Variants in CNTLN observed in about 807,000 individuals in gnomAD.
CNTLN encodes centlein, centrosomal protein.
In CNTLN, 212 loss-of-function variants were observed where a neutral mutation model predicts 180.0. The ratio of observed to expected loss-of-function variants is 1.18; its 90% CI spans 1.05 to 1.32. The LOEUF (loss-of-function observed/expected upper bound fraction) is 1.32, where lower values mean the gene tolerates loss of function less well. Ranked by LOEUF, CNTLN falls within the 40% of genes most tolerant of loss-of-function variation. CNTLN has a pLI of 0.00. For synonymous variants in CNTLN, 722 were observed against 563.1 expected, an observed-to-expected ratio of 1.28 and a Z score of -3.99; for missense variants, 2,095 against 1,610.9, an observed-to-expected ratio of 1.30 and a Z score of -5.14.
chr9:17,163,514 C>T (rs989044938), intron 2 of CNTLN, among the ~76,000 whole-genome samples: 55 of 152,106 alleles, frequency 3.6e-4, no homozygotes, highest in Admixed American at 7.9e-4. Flanking sequence ...ATTTATATTT[C>T]ATTGTAATTA....
intron 2 of CNTLN, among the ~76,000 whole-genome samples, chr9:17,214,249 G>C (rs1214454614): frequency 6.6e-6 from 1 of 152,034 alleles, no homozygotes; most frequent in Non-Finnish European, 1.5e-5. Flanking sequence ...GGGCAGGCCT[G>C]GTGGTGACAA....
downstream of CNTLN, among the ~76,000 whole-genome samples, chr9:17,504,101 A>T (rs199694212): frequency 3.6e-4 from 1 of 2,772 alleles, no homozygotes; most frequent in African/African-American, 4.1e-4. Context: ...TACTGCAATT[A>T]AAAAAAAAAT....
chr9:17,422,920 C>T (rs1397787623), intron 18 of CNTLN, among the ~76,000 whole-genome samples: 3 of 152,116 alleles, frequency 2.0e-5, no homozygotes, highest in Non-Finnish European at 4.4e-5. Flanking sequence ...TCACTGAAGC[C>T]ACAAATCCGC....
intron 12 of CNTLN, among the ~76,000 whole-genome samples, chr9:17,350,551 G>A (rs1398576806): frequency 6.6e-6 from 1 of 152,094 alleles, no homozygotes; most frequent in South Asian, 2.1e-4. Context: ...TGGAAAAAGA[G>A]GTAACGCAAA....
At chr9:17,267,931 C>T (rs956421121) in intron 5 of CNTLN, among the ~76,000 whole-genome samples, 3 of 152,050 alleles carry the variant, frequency 2.0e-5, no homozygotes, top group African/African-American at 7.2e-5. Flanking sequence ...TCTAGTTATC[C>T]ATTCGTCTAA....
At chr9:17,249,389 C>G (rs1257010055) in intron 5 of CNTLN, among the ~76,000 whole-genome samples, 1 of 141,290 alleles carries the variant, frequency 7.1e-6, no homozygotes, top group African/African-American at 2.7e-5. Context: ...CGCTCTATCA[C>G]CCAGGCTGGA....
At chr9:17,169,908 A>G (rs1365610683) in intron 2 of CNTLN, among the ~76,000 whole-genome samples, 1 of 152,070 alleles carries the variant, frequency 6.6e-6, no homozygotes, top group Non-Finnish European at 1.5e-5. Context: ...TATGAATTTT[A>G]TGACTTTTTT....
intron 13 of CNTLN, among the ~76,000 whole-genome samples, chr9:17,368,372 C>T (rs760505790): frequency 9.2e-5 from 14 of 152,144 alleles, no homozygotes; most frequent in Admixed American, 5.9e-4. Context: ...TTACTCTACT[C>T]CCTGGCTCCT....
intron 8 of CNTLN, among the ~76,000 whole-genome samples, chr9:17,310,774 T>C (rs1480646475): frequency 1.3e-5 from 2 of 152,210 alleles, no homozygotes; most frequent in African/African-American, 4.8e-5. Flanking sequence ...TGAATGAGTA[T>C]AAAATAATAT....
At chr9:17,349,510 A>T (rs2133278166) in intron 12 of CNTLN, among the ~76,000 whole-genome samples, 1 of 152,300 alleles carries the variant, frequency 6.6e-6, no homozygotes, top group East Asian at 1.9e-4. Flanking sequence ...CTTTTATAAA[A>T]CATTGTATGA....
chr9:17,230,314 T>G (rs1250361375), intron 3 of CNTLN, among the ~76,000 whole-genome samples: 2 of 152,176 alleles, frequency 1.3e-5, no homozygotes, highest in Non-Finnish European at 2.9e-5. Flanking sequence ...CAATTTAATT[T>G]AATAGTTGCT....
intron 12 of CNTLN, among the ~76,000 whole-genome samples, chr9:17,366,176 A>C (rs1185661872): frequency 6.6e-6 from 1 of 152,064 alleles, no homozygotes; most frequent in Non-Finnish European, 1.5e-5. Context: ...CCCAGGCTGT[A>C]GTGCAGCAGT....
intron 5 of CNTLN, among the ~76,000 whole-genome samples, chr9:17,245,004 T>C (rs372896952): frequency 9.2e-5 from 14 of 152,338 alleles, no homozygotes; most frequent in African/African-American, 3.1e-4. Context: ...TACTGTATTA[T>C]GTTTTGAAAG....
chr9:17,228,022 T>A (rs1252013737), intron 3 of CNTLN, among the ~76,000 whole-genome samples: 1 of 151,996 alleles, frequency 6.6e-6, no homozygotes, highest in African/African-American at 2.4e-5. Flanking sequence ...TGGAAAAAAA[T>A]TTGGCCACCC....
intron 18 of CNTLN, among the ~76,000 whole-genome samples, chr9:17,418,280 A>G (rs1828421483): frequency 6.6e-6 from 1 of 152,018 alleles, no homozygotes; most frequent in African/African-American, 2.4e-5. Flanking sequence ...CTAGAATTAG[A>G]TTTAATTTGA....
intron 13 of CNTLN, among the ~76,000 whole-genome samples, chr9:17,368,350 T>C (rs187799313): frequency 1.3e-5 from 2 of 152,184 alleles, no homozygotes; most frequent in East Asian, 3.9e-4. Flanking sequence ...CCAGGTGGAT[T>C]TCTAAGGTTT....
chr9:17,466,151 G>T, intron 22 of CNTLN, 33 bp downstream of exon 22: 1 of 1,554,326 alleles, frequency 6.4e-7, no homozygotes, highest in Non-Finnish European at 8.8e-7. Context: ...TTAGATTACA[G>T]ATGGAATATA....
chr9:17,359,347 T>A (rs1006369570), intron 12 of CNTLN, among the ~76,000 whole-genome samples: 2 of 151,870 alleles, frequency 1.3e-5, no homozygotes, highest in Admixed American at 6.6e-5. Context: ...TAAAAAGCAC[T>A]AAATAGAAAT....
At chr9:17,264,617 C>G (rs1827266188) in intron 5 of CNTLN, among the ~76,000 whole-genome samples, 1 of 152,302 alleles carries the variant, frequency 6.6e-6, no homozygotes, top group Non-Finnish European at 1.5e-5. Flanking sequence ...GACATTGAAT[C>G]TATAAATTAC....
Sources: gnomAD v4.1 joint callset for allele counts (sites outside exome capture counted in the v4.1 genomes callset) on GRCh38, gnomAD v4.1.1 for gene constraint, MANE v1.5 for transcripts, NCBI Gene and HGNC (gene_info 2026-07-23, HGNC 2026-07-21) for gene names.